The following PDE1C variants were observed in gnomAD, a reference collection of about 807,000 sequenced individuals.
PDE1C encodes phosphodiesterase 1C, also known as dual specificity calcium/calmodulin-dependent 3',5'-cyclic nucleotide phosphodiesterase 1C.
A neutral mutation model predicts 93.1 loss-of-function variants in PDE1C; 62 were observed. The observed-to-expected ratio is 0.67, with a 90% CI of 0.54 to 0.82. The LOEUF is 0.82. Ranked by LOEUF, PDE1C falls within the 40% of genes least tolerant of loss-of-function variation. The probability of loss-of-function intolerance (pLI) is 0.00; values close to 1 mark genes in which losing one functional copy is unlikely to be tolerated. For synonymous variants in PDE1C, 325 were observed against 310.1 expected (o/e 1.05, Z -0.50); for missense variants, 742 against 884.6 (o/e 0.84, Z 2.04).
chr7:31,850,864 G>A (rs1793243042), intron 7 of PDE1C, 123 bp from the exon 8 acceptor site: 1 of 697,198 alleles, frequency 1.4e-6, no homozygotes, highest in South Asian at 1.6e-5. Context: ...CCAAACACAA[G>A]TTTTCTGAGA....
Position 32,313,220 on chromosome 7 carries a change from A to G in PDE1C, c.311-103681T>C, listed in dbSNP as rs867841133. Reference sequence around the variant, plus strand: ...CACAATGAGATACCATCTCACACCAATTAGAATTGCGATCATTAAAAAGTC... The same window carrying G: ...CACAATGAGATACCATCTCACACCAGTTAGAATTGCGATCATTAAAAAGTC... On this transcript the variant is annotated intron_variant, in intron 1 of 1. Coordinates refer to the PDE1C transcript ENST00000672256. 8.9e-3 allele frequency among the ~76,000 whole-genome samples: 1,346 copies of G among 151,960 alleles called. 8 individuals carry two copies. The highest frequency in any genetic ancestry group is 0.023 in the African/African-American group (954 of 41,382).
the PDE1C span, among the ~76,000 whole-genome samples, chr7:31,625,338 C>T: frequency 6.6e-6 from 1 of 151,916 alleles, no homozygotes; most frequent in East Asian, 1.9e-4. Context: ...TTTATTGCGG[C>T]ACTATTCACA....
At chr7:31,856,823 CG>C (rs35313332) in intron 7 of PDE1C, among the ~76,000 whole-genome samples, 1 of 151,982 alleles carries the variant, frequency 6.6e-6, no homozygotes, top group Non-Finnish European at 1.5e-5. Flanking sequence ...CAAAATAACA[CG>C]GGCTGCGTGG....
intron 3 of PDE1C, among the ~76,000 whole-genome samples, chr7:32,098,535 G>A (rs1797888465): frequency 6.6e-6 from 1 of 152,046 alleles, no homozygotes; most frequent in African/African-American, 2.4e-5. Flanking sequence ...AATCCTTCGT[G>A]AATCAAAGTA....
chr7:31,710,054 T>C, the PDE1C span, among the ~76,000 whole-genome samples: 1 of 151,942 alleles, frequency 6.6e-6, no homozygotes, highest in Non-Finnish European at 1.5e-5. Flanking sequence ...GAGGCTGAAG[T>C]AGGAGGATTT....
intron 7 of PDE1C, among the ~76,000 whole-genome samples, chr7:31,851,692 T>C (rs1185810327): frequency 3.3e-5 from 5 of 152,238 alleles, no homozygotes; most frequent in Admixed American, 6.5e-5. Flanking sequence ...TTTTAATAAA[T>C]TGTATTTGTT....
intron 2 of PDE1C, among the ~76,000 whole-genome samples, chr7:31,973,274 G>C (rs1811210524): frequency 6.6e-6 from 1 of 152,088 alleles, no homozygotes; most frequent in Non-Finnish European, 1.5e-5. Context: ...AGAAAAGAAA[G>C]AGTAGAGCTG....
At chr7:31,661,982 C>T in the PDE1C span, among the ~76,000 whole-genome samples, 1 of 152,150 alleles carries the variant, frequency 6.6e-6, no homozygotes, top group Admixed American at 6.5e-5. Context: ...CTCTGCTCTC[C>T]ATTTCAAATG....
intron 2 of PDE1C, among the ~76,000 whole-genome samples, chr7:31,997,725 T>C (rs1784900789): frequency 6.6e-6 from 1 of 152,166 alleles, no homozygotes; most frequent in Admixed American, 6.5e-5. Flanking sequence ...ATTTGAGTGT[T>C]TCACCCAGAT....
At chr7:31,735,454 G>A in the PDE1C span, among the ~76,000 whole-genome samples, 1 of 150,546 alleles carries the variant, frequency 6.6e-6, no homozygotes, top group Non-Finnish European at 1.5e-5. Context: ...CATGAGGGCA[G>A]TATAAGCAAA....
At chr7:31,828,185 G>T in intron 12 of PDE1C, 107 bp downstream of exon 12, 1 of 798,718 alleles carries the variant, frequency 1.3e-6, no homozygotes, top group Non-Finnish European at 2.1e-6. Context: ...GCACAACATG[G>T]CAGAATGGAG....
At chr7:31,736,645 T>G in the PDE1C span, among the ~76,000 whole-genome samples, 10 of 152,222 alleles carry the variant, frequency 6.6e-5, no homozygotes, top group African/African-American at 2.2e-4. Context: ...AACACTGATT[T>G]GGAATCTGCG....
intron 1 of PDE1C, among the ~76,000 whole-genome samples, chr7:32,345,469 G>T (rs1371334974): frequency 6.6e-6 from 1 of 152,114 alleles, no homozygotes; most frequent in Non-Finnish European, 1.5e-5. Context: ...GACACCAAAA[G>T]CATGAACCAT....
At chr7:31,878,867 T>C (rs898251126) in intron 4 of PDE1C, 129 bp downstream of exon 4, 7 of 855,580 alleles carry the variant, frequency 8.2e-6, no homozygotes, top group Non-Finnish European at 1.1e-5. Flanking sequence ...TTCAAGACTA[T>C]CTGTTTCTAC....
At chr7:31,790,889 T>C (rs571205563) in intron 16 of PDE1C, among the ~76,000 whole-genome samples, 1 of 152,260 alleles carries the variant, frequency 6.6e-6, no homozygotes, top group African/African-American at 2.4e-5. Context: ...CTCTACCCCA[T>C]GTAACCTCAA....
intron 2 of PDE1C, among the ~76,000 whole-genome samples, chr7:31,944,499 C>G (rs1806323614): frequency 1.3e-5 from 2 of 152,154 alleles, no homozygotes; most frequent in African/African-American, 2.4e-5. Context: ...CTCACCTAAC[C>G]AACAACTGCC....
chr7:31,646,064 A>G, the PDE1C span, among the ~76,000 whole-genome samples: 1 of 152,226 alleles, frequency 6.6e-6, no homozygotes. Flanking sequence ...TTGGTCTAAC[A>G]TAGGAATGCA....
At chr7:32,002,133 G>A (rs1288297245) in intron 2 of PDE1C, among the ~76,000 whole-genome samples, 1 of 152,072 alleles carries the variant, frequency 6.6e-6, no homozygotes, top group Admixed American at 6.5e-5. Context: ...ACTGCAGTGG[G>A]AACTACTAAG....
chr7:32,358,145 C>T lies in PDE1C; in HGVS notation c.310+69677G>A, dbSNP rs139164006. Among the ~76,000 whole-genome samples, 860 of 152,282 alleles carry T rather than the reference C, an allele frequency of 5.6e-3. 6 individuals are homozygous for T. Among genetic ancestry groups the T allele is most frequent in the Non-Finnish European group, 9.2e-3 (623 of 68,026 alleles). On this transcript the variant is annotated intron_variant, in intron 1 of 1. Transcript: ENST00000672256. ...TTCTGTTTTCCTCCTCCCCTTCCCACGCAGTGTCTGTCAAAATCTGTTCAT... is the reference window on the plus strand; with the variant it reads ...TTCTGTTTTCCTCCTCCCCTTCCCATGCAGTGTCTGTCAAAATCTGTTCAT...
Sources: allele counts gnomAD v4.1 joint callset (sites outside exome capture counted in the v4.1 genomes callset), GRCh38; gene constraint gnomAD v4.1.1; transcripts MANE v1.5; gene names NCBI Gene and HGNC (gene_info 2026-07-23, HGNC 2026-07-21).